The following CALCRL variants were observed in gnomAD, a reference collection of about 807,000 sequenced individuals.
The protein encoded by CALCRL is calcitonin receptor like receptor, also known as calcitonin gene-related peptide type 1 receptor.
A neutral mutation model predicts 60.4 loss-of-function variants in CALCRL; 27 were observed. The ratio of observed to expected loss-of-function variants is 0.45; its 90% CI spans 0.33 to 0.62. The LOEUF is 0.62. CALCRL is among the 20% of genes least tolerant of loss of function. The probability of loss-of-function intolerance (pLI) is 0.03; values close to 1 mark genes in which losing one functional copy is unlikely to be tolerated. For missense variants in CALCRL, 424 were observed against 540.7 expected (o/e 0.78, Z 2.14); for synonymous variants, 190 against 182.6 (o/e 1.04, Z -0.33).
chr2:187,403,469 A>G (rs540289787), intron 1 of CALCRL, among the ~76,000 whole-genome samples: 6 of 152,098 alleles, frequency 3.9e-5, no homozygotes, highest in South Asian at 2.1e-4. Context: ...CATAGGACAC[A>G]TTTGCAGTTA....
intron 1 of CALCRL, among the ~76,000 whole-genome samples, chr2:187,406,866 C>A (rs13387936): frequency 0.054 from 8,235 of 151,990 alleles, 747 homozygotes; most frequent in African/African-American, 0.19. Flanking sequence ...TAGATGTATG[C>A]AGAACAGAAT....
At chr2:187,434,106 GT>G (rs1286536096) in intron 1 of CALCRL, among the ~76,000 whole-genome samples, 1 of 152,000 alleles carries the variant, frequency 6.6e-6, no homozygotes, top group Non-Finnish European at 1.5e-5. Context: ...ATTAGATAAA[GT>G]TTTTGAATAA....
chr2:187,408,736 G>A (rs955377302), intron 1 of CALCRL, among the ~76,000 whole-genome samples: 11 of 151,952 alleles, frequency 7.2e-5, no homozygotes, highest in East Asian at 5.8e-4. Context: ...AAATTTTAAT[G>A]AAATAAATTA....
At chr2:187,354,165 A>C (rs1195417596) in intron 12 of CALCRL, among the ~76,000 whole-genome samples, 1 of 152,048 alleles carries the variant, frequency 6.6e-6, no homozygotes, top group East Asian at 1.9e-4. Flanking sequence ...AAACTAGTTC[A>C]GTAGAAAAGA....
At chr2:187,382,996 A>G (rs1688042150) in intron 5 of CALCRL, among the ~76,000 whole-genome samples, 177 bp downstream of exon 5, 1 of 152,190 alleles carries the variant, frequency 6.6e-6, no homozygotes. Context: ...TTGTTTTTAA[A>G]AAGCGATATA....
intron 1 of CALCRL, among the ~76,000 whole-genome samples, chr2:187,405,972 T>C (rs1241781143): frequency 6.6e-6 from 1 of 151,618 alleles, no homozygotes; most frequent in East Asian, 1.9e-4. Flanking sequence ...TGTGTGTGTG[T>C]GTGTGTGTGT....
chr2:187,396,184 A>C (rs1159896758), intron 1 of CALCRL, among the ~76,000 whole-genome samples: 2 of 95,896 alleles, frequency 2.1e-5, no homozygotes, highest in Non-Finnish European at 4.9e-5. Flanking sequence ...GGCCAAAAAA[A>C]ATAAATAAAT....
chr2:187,415,596 T>C, intron 1 of CALCRL: 1 of 570,366 alleles, frequency 1.8e-6, no homozygotes. Flanking sequence ...TGGAAAAACC[T>C]GCCAATTATG....
At chr2:187,346,504 T>C (rs750440495) in intron 14 of CALCRL, 105 bp from the exon 15 acceptor site, 22 of 718,782 alleles carry the variant, frequency 3.1e-5, no homozygotes, top group Non-Finnish European at 4.9e-5. Context: ...AGAGCTTTTT[T>C]AAAAAAAGTT....
At chr2:187,406,090 C>T (rs1278910538) in intron 1 of CALCRL, among the ~76,000 whole-genome samples, 4 of 150,680 alleles carry the variant, frequency 2.7e-5, no homozygotes, top group East Asian at 3.9e-4. Flanking sequence ...AGCAGTTGGG[C>T]TTTATCACCT....
At position 187,363,359 on chromosome 2, in the gene CALCRL, A is replaced by C; in HGVS notation, c.627+17T>G. Reference sequence around the variant, plus strand: ...CATTAGGCCCTTGAACCAAGGGCACAATCTTGGTTTACTTACAGGATTTGT... The same window carrying C: ...CATTAGGCCCTTGAACCAAGGGCACCATCTTGGTTTACTTACAGGATTTGT... On this transcript the variant is annotated intron_variant, in intron 9 of 14. Coordinates refer to ENST00000392370, the MANE Select transcript of CALCRL (RefSeq NM_005795.6). 1.2e-6 allele frequency: 2 copies of C among 1,602,476 alleles called. No individual in the cohort carries two copies. The highest frequency in any genetic ancestry group is 1.3e-5 in the African/African-American group (1 of 74,460).
At chr2:187,374,644 T>TTTTTG (rs1687668702) in intron 8 of CALCRL, among the ~76,000 whole-genome samples, 1 of 152,148 alleles carries the variant, frequency 6.6e-6, no homozygotes, top group Non-Finnish European at 1.5e-5. Flanking sequence ...AGCACTCATT[T>TTTTTG]TTTTGTTTTG....
chr2:187,411,128 C>T (rs991300262), intron 1 of CALCRL, among the ~76,000 whole-genome samples: 1 of 152,046 alleles, frequency 6.6e-6, no homozygotes, highest in African/African-American at 2.4e-5. Context: ...ACCCTTTTTA[C>T]TTCTTGAATT....
intron 1 of CALCRL, among the ~76,000 whole-genome samples, chr2:187,390,739 G>C (rs1688403074): frequency 6.6e-6 from 1 of 152,052 alleles, no homozygotes; most frequent in Non-Finnish European, 1.5e-5. Context: ...GTGCTACTAG[G>C]AATAAGGTGG....
At chr2:187,371,436 T>A (rs1687514378) in intron 8 of CALCRL, among the ~76,000 whole-genome samples, 1 of 152,046 alleles carries the variant, frequency 6.6e-6, no homozygotes. Context: ...AGATGACTAC[T>A]TTTGAACTCA....
chr2:187,384,489 A>G (rs972462734), intron 4 of CALCRL, among the ~76,000 whole-genome samples: 12 of 152,200 alleles, frequency 7.9e-5, no homozygotes, highest in African/African-American at 2.7e-4. Context: ...AATCTGTTAC[A>G]GAATTACCTG....
chr2:187,446,319 TC>T (rs1421370771), intron 1 of CALCRL, among the ~76,000 whole-genome samples: 1 of 151,730 alleles, frequency 6.6e-6, no homozygotes, highest in Non-Finnish European at 1.5e-5. Flanking sequence ...ATTTCAAACT[TC>T]CAGTTATGTC....
intron 12 of CALCRL, among the ~76,000 whole-genome samples, chr2:187,352,777 A>G (rs1000629893): frequency 3.3e-5 from 5 of 151,932 alleles, no homozygotes; most frequent in Non-Finnish European, 7.4e-5. Context: ...ATATTATACC[A>G]TAATAACCAT....
intron 1 of CALCRL, among the ~76,000 whole-genome samples, chr2:187,423,307 A>G (rs557999873): frequency 6.6e-6 from 1 of 151,702 alleles, no homozygotes; most frequent in Non-Finnish European, 1.5e-5. Flanking sequence ...ATAAATTTTT[A>G]CTTGGAATGC....
Sources: allele counts gnomAD v4.1 joint callset (sites outside exome capture counted in the v4.1 genomes callset), GRCh38; gene constraint gnomAD v4.1.1; transcripts MANE v1.5; gene names NCBI Gene and HGNC (gene_info 2026-07-23, HGNC 2026-07-21).